The following CYP7B1 variants were observed in gnomAD, a reference collection of about 807,000 sequenced individuals.
CYP7B1 encodes the protein cytochrome P450 family 7 subfamily B member 1.
CYP7B1 carries 29 observed loss-of-function variants against 42.7 expected under a neutral mutation model. That is an observed-to-expected ratio of 0.68 (90% CI 0.51 to 0.93). CYP7B1 has a LOEUF of 0.93. CYP7B1 is among the 40% of genes least tolerant of loss of function. The pLI is 0.00. For synonymous variants in CYP7B1, 235 were observed against 218.2 expected, an observed-to-expected ratio of 1.08 and a Z score of -0.68; for missense variants, 655 against 600.5, an observed-to-expected ratio of 1.09 and a Z score of -0.95.
chr8:64,680,581 T>C (rs1011533938), intron 1 of CYP7B1, among the ~76,000 whole-genome samples: 2 of 151,416 alleles, frequency 1.3e-5, no homozygotes, highest in Non-Finnish European at 2.9e-5. Context: ...AAAAAACCAC[T>C]GCATGGGCCC....
Position 64,674,674 on chromosome 8 carries a change from G to A in CYP7B1, c.123-50135C>T, listed in dbSNP as rs200091256. On this transcript the variant is annotated intron_variant, in intron 1 of 5. Transcript: ENST00000310193. ...AGCAAGTTGATCTTTACAATACACC[G>A]TAGTGCACAGGAGAGTCTTTCAGGG... Among the ~76,000 whole-genome samples, 26 of 152,048 alleles carry A rather than the reference G, an allele frequency of 1.7e-4. No homozygotes were observed. The East Asian group carries it at 2.5e-3, about 15-fold the overall frequency.
At chr8:64,786,708 A>C (rs1365391601) in intron 1 of CYP7B1, among the ~76,000 whole-genome samples, 1 of 152,152 alleles carries the variant, frequency 6.6e-6, no homozygotes, top group African/African-American at 2.4e-5. Context: ...TCACAATTCC[A>C]ATAGGCAATG....
intron 4 of CYP7B1, among the ~76,000 whole-genome samples, chr8:64,612,195 T>G (rs2129630098): frequency 6.6e-6 from 1 of 152,120 alleles, no homozygotes; most frequent in East Asian, 1.9e-4. Context: ...CCACCCCAGA[T>G]TTTTTTCTGA....
chr8:64,649,652 T>G (rs1046793394), intron 1 of CYP7B1, among the ~76,000 whole-genome samples: 3 of 152,204 alleles, frequency 2.0e-5, no homozygotes, highest in Non-Finnish European at 4.4e-5. Context: ...TCTACCATGG[T>G]TGGACCATTT....
chr8:64,667,784 GTCT>G (rs1196315525), intron 1 of CYP7B1, among the ~76,000 whole-genome samples: 2 of 152,102 alleles, frequency 1.3e-5, no homozygotes, highest in Non-Finnish European at 2.9e-5. Context: ...CAAAGGTCTA[GTCT>G]TCTTTTTTTC....
chr8:64,665,544 T>G (rs1199360065), intron 1 of CYP7B1, among the ~76,000 whole-genome samples: 11 of 138,024 alleles, frequency 8.0e-5, no homozygotes, highest in South Asian at 2.2e-4. Flanking sequence ...ATTTTAAGTG[T>G]TTTTTTTTTT....
intron 1 of CYP7B1, among the ~76,000 whole-genome samples, chr8:64,735,507 C>G (rs535916037): frequency 1.3e-5 from 2 of 152,300 alleles, no homozygotes; most frequent in Non-Finnish European, 2.9e-5. Context: ...CTTTCCATAA[C>G]TAACCTTTCC....
At chr8:64,794,050 C>T (rs1804665164) in intron 1 of CYP7B1, among the ~76,000 whole-genome samples, 1 of 151,962 alleles carries the variant, frequency 6.6e-6, no homozygotes, top group African/African-American at 2.4e-5. Flanking sequence ...CCTTAAAGAA[C>T]AGACCAATAT....
chr8:64,773,196 T>C (rs1804263768), intron 1 of CYP7B1, among the ~76,000 whole-genome samples: 1 of 152,238 alleles, frequency 6.6e-6, no homozygotes, highest in African/African-American at 2.4e-5. Flanking sequence ...TCTGGTATTT[T>C]CCAAGCATCT....
At chr8:64,700,177 A>G (rs1473659496) in intron 1 of CYP7B1, among the ~76,000 whole-genome samples, 1 of 152,118 alleles carries the variant, frequency 6.6e-6, no homozygotes, top group Non-Finnish European at 1.5e-5. Flanking sequence ...TTAAAAGAGC[A>G]ATCAAACATG....
downstream of CYP7B1, chr8:64,587,685 T>C (rs1485322310): frequency 6.6e-6 from 1 of 152,264 alleles, no homozygotes; most frequent in Non-Finnish European, 1.5e-5. Flanking sequence ...CAGGAGACTG[T>C]TTCTTAACTA....
At chr8:64,646,385 T>A (rs553527407) in intron 1 of CYP7B1, among the ~76,000 whole-genome samples, 3 of 151,988 alleles carry the variant, frequency 2.0e-5, no homozygotes, top group African/African-American at 7.3e-5. Flanking sequence ...AAAAAGTGGG[T>A]GAAGGACATG....
intron 1 of CYP7B1, among the ~76,000 whole-genome samples, chr8:64,651,087 T>C (rs1806031711): frequency 6.6e-6 from 1 of 152,236 alleles, no homozygotes; most frequent in Admixed American, 6.5e-5. Context: ...TGTATTCTGA[T>C]CACATGAGCT....
intron 1 of CYP7B1, among the ~76,000 whole-genome samples, chr8:64,724,004 T>A (rs1276110761): frequency 6.6e-6 from 1 of 151,770 alleles, no homozygotes; most frequent in South Asian, 2.1e-4. Context: ...CATGGGTGTA[T>A]AAACAAAGTT....
At chr8:64,708,739 G>A (rs993298617) in intron 1 of CYP7B1, among the ~76,000 whole-genome samples, 6 of 152,026 alleles carry the variant, frequency 3.9e-5, no homozygotes, top group Admixed American at 1.3e-4. Flanking sequence ...TATAATACAC[G>A]CATTTGATTA....
At chr8:64,682,974 G>A (rs1806562114) in intron 1 of CYP7B1, among the ~76,000 whole-genome samples, 1 of 152,184 alleles carries the variant, frequency 6.6e-6, no homozygotes, top group African/African-American at 2.4e-5. Flanking sequence ...CAAAAACCTT[G>A]ATTGAACCTT....
chr8:64,717,168 C>T (rs1420334071), intron 1 of CYP7B1, among the ~76,000 whole-genome samples: 3 of 136,394 alleles, frequency 2.2e-5, no homozygotes, highest in Non-Finnish European at 4.7e-5. Context: ...TTACATGGTA[C>T]ATCTTTTTTT....
At chr8:64,701,955 G>A (rs1359798248) in intron 1 of CYP7B1, among the ~76,000 whole-genome samples, 1 of 151,988 alleles carries the variant, frequency 6.6e-6, no homozygotes, top group Non-Finnish European at 1.5e-5. Context: ...TATAACAGAT[G>A]AAATTACAGG....
intron 2 of CYP7B1, among the ~76,000 whole-genome samples, chr8:64,621,917 T>A (rs1805536607): frequency 6.6e-6 from 1 of 151,420 alleles, no homozygotes; most frequent in African/African-American, 2.4e-5. Context: ...TGTATTTTTT[T>A]TTTTTTTAGT....
Sources: allele counts gnomAD v4.1 joint callset (sites outside exome capture counted in the v4.1 genomes callset), GRCh38; gene constraint gnomAD v4.1.1; transcripts MANE v1.5; gene names NCBI Gene and HGNC (gene_info 2026-07-23, HGNC 2026-07-21).